Variants in HPSE2 observed in about 807,000 individuals in gnomAD.
The protein encoded by HPSE2 is heparanase 2 (inactive), also known as inactive heparanase-2.
In HPSE2, 38 loss-of-function variants were observed where a neutral mutation model predicts 60.5. The ratio of observed to expected loss-of-function variants is 0.63; its 90% confidence interval spans 0.48 to 0.82. HPSE2 has a LOEUF of 0.82. HPSE2 is among the 40% of genes least tolerant of loss of function. HPSE2 has a pLI of 0.00. For missense variants in HPSE2, 713 were observed against 740.4 expected, an observed-to-expected ratio of 0.96 and a Z score of 0.43; for synonymous variants, 295 against 293.2, an observed-to-expected ratio of 1.01 and a Z score of -0.06.
chr10:98,464,633 C>T (rs185931029), intron 11 of HPSE2, among the ~76,000 whole-genome samples: 1 of 152,326 alleles, frequency 6.6e-6, no homozygotes, highest in East Asian at 1.9e-4. Flanking sequence ...GGCTATGAAT[C>T]CTCAATGCCT....
At chr10:98,747,304 C>A (rs76723554) in intron 3 of HPSE2, among the ~76,000 whole-genome samples, 3 of 152,032 alleles carry the variant, frequency 2.0e-5, no homozygotes, top group Non-Finnish European at 4.4e-5. Context: ...ATGTTTGCAT[C>A]AAAATTTAAT....
intron 11 of HPSE2, among the ~76,000 whole-genome samples, chr10:98,468,169 C>T (rs1345316480): frequency 1.3e-5 from 2 of 152,224 alleles, no homozygotes; most frequent in African/African-American, 4.8e-5. Flanking sequence ...GACAGAGGGG[C>T]TTTGCTTCCC....
chr10:98,465,427 T>C (rs1940484943), intron 11 of HPSE2, among the ~76,000 whole-genome samples: 1 of 152,256 alleles, frequency 6.6e-6, no homozygotes, highest in Admixed American at 6.5e-5. Context: ...AGATTTGCAC[T>C]GACGCCCTTA....
At chr10:98,625,273 T>A (rs746485509) in intron 7 of HPSE2, among the ~76,000 whole-genome samples, 3 of 152,154 alleles carry the variant, frequency 2.0e-5, no homozygotes, top group Non-Finnish European at 4.4e-5. Context: ...AGGAAAAACA[T>A]AAAATGAAAA....
intron 3 of HPSE2, among the ~76,000 whole-genome samples, chr10:98,781,411 T>A (rs994369187): frequency 6.6e-6 from 1 of 150,832 alleles, no homozygotes; most frequent in Admixed American, 6.7e-5. Context: ...AATTTATACA[T>A]TAAATAAACA....
At chr10:99,163,849 AG>A (rs1215647049) in intron 2 of HPSE2, among the ~76,000 whole-genome samples, 3 of 151,928 alleles carry the variant, frequency 2.0e-5, no homozygotes, top group Non-Finnish European at 4.4e-5. Context: ...GGCTGACAGA[AG>A]TTTCTTTATA....
intron 3 of HPSE2, among the ~76,000 whole-genome samples, chr10:98,989,535 T>C (rs1228927231): frequency 2.7e-5 from 4 of 150,816 alleles, no homozygotes; most frequent in Non-Finnish European, 4.4e-5. Context: ...TTAGGAGATA[T>C]ACCTAATGTT....
At chr10:98,725,543 A>C (rs1949051152) in intron 4 of HPSE2, among the ~76,000 whole-genome samples, 1 of 152,224 alleles carries the variant, frequency 6.6e-6, no homozygotes, top group Admixed American at 6.5e-5. Flanking sequence ...ACCCTAGAAG[A>C]AAACCTAGGC....
intron 3 of HPSE2, among the ~76,000 whole-genome samples, chr10:99,096,699 T>G (rs763733290): frequency 1.6e-4 from 24 of 152,094 alleles, no homozygotes; most frequent in Non-Finnish European, 3.5e-4. Flanking sequence ...TTGTTGTGTT[T>G]TTTTTTTTCC....
At chr10:98,866,990 G>A (rs1023197304) in intron 3 of HPSE2, among the ~76,000 whole-genome samples, 12 of 152,104 alleles carry the variant, frequency 7.9e-5, no homozygotes, top group Admixed American at 1.3e-4. Flanking sequence ...ACTTACAATG[G>A]TTTGAGCAAC....
At chr10:98,942,909 T>C (rs1405237386) in intron 3 of HPSE2, among the ~76,000 whole-genome samples, 1 of 151,574 alleles carries the variant, frequency 6.6e-6, no homozygotes, top group Non-Finnish European at 1.5e-5. Context: ...CCATAAAAAA[T>C]GATGAGTTCA....
At chr10:98,490,981 T>C (rs1370893848) in intron 9 of HPSE2, among the ~76,000 whole-genome samples, 1 of 152,236 alleles carries the variant, frequency 6.6e-6, no homozygotes, top group Non-Finnish European at 1.5e-5. Flanking sequence ...AATATAAAAT[T>C]TACATTTCTG....
chr10:98,809,981 C>T (rs868133882), intron 3 of HPSE2, among the ~76,000 whole-genome samples: 1 of 152,086 alleles, frequency 6.6e-6, no homozygotes, highest in Admixed American at 6.6e-5. Context: ...TCTTGCCCCT[C>T]GTTTAGTCCA....
the HPSE2 span, among the ~76,000 whole-genome samples, chr10:99,296,920 C>T: frequency 6.6e-6 from 1 of 152,104 alleles, no homozygotes. Context: ...GGAAGGCAAT[C>T]ATCGATGGGA....
At chr10:98,640,708 G>C (rs1260898273) in intron 7 of HPSE2, among the ~76,000 whole-genome samples, 1 of 152,090 alleles carries the variant, frequency 6.6e-6, no homozygotes, top group Non-Finnish European at 1.5e-5. Flanking sequence ...ACTATTCAAA[G>C]GGTCCCCATT....
At chr10:98,846,856 A>G (rs1952047392) in intron 3 of HPSE2, among the ~76,000 whole-genome samples, 1 of 152,186 alleles carries the variant, frequency 6.6e-6, no homozygotes, top group African/African-American at 2.4e-5. Flanking sequence ...ACAGGTACAC[A>G]TCACTGTGCC....
intron 3 of HPSE2, among the ~76,000 whole-genome samples, chr10:98,962,555 A>G (rs1955705033): frequency 6.6e-6 from 1 of 151,276 alleles, no homozygotes; most frequent in Admixed American, 6.6e-5. Flanking sequence ...ACTCCTATTC[A>G]ACATAGTGTT....
At chr10:98,619,480 A>AT (rs1278097069) in intron 8 of HPSE2, among the ~76,000 whole-genome samples, 13 of 151,870 alleles carry the variant, frequency 8.6e-5, no homozygotes, top group Non-Finnish European at 1.3e-4. Flanking sequence ...GATTCTCCAG[A>AT]TTTTTTTTCT....
intron 3 of HPSE2, among the ~76,000 whole-genome samples, chr10:99,028,256 C>A (rs948872588): frequency 6.6e-6 from 1 of 152,070 alleles, no homozygotes; most frequent in Non-Finnish European, 1.5e-5. Context: ...ACTAAAGACT[C>A]CACTAAAATA....
Sources: allele counts gnomAD v4.1 joint callset (sites outside exome capture counted in the v4.1 genomes callset), GRCh38; gene constraint gnomAD v4.1.1; transcripts MANE v1.5; gene names NCBI Gene and HGNC (gene_info 2026-07-23, HGNC 2026-07-21).